The following TMBIM6 variants were observed in gnomAD, a reference collection of about 807,000 sequenced individuals.
TMBIM6 encodes the protein bax inhibitor 1.
Under a neutral mutation model 31.4 loss-of-function variants are expected in TMBIM6, and 13 were observed. The observed-to-expected ratio is 0.41, with a 90% confidence interval of 0.27 to 0.66. TMBIM6 has a LOEUF of 0.66. TMBIM6 is among the 30% of genes least tolerant of loss of function. TMBIM6 has a pLI of 0.28. For missense variants in TMBIM6, 275 were observed against 289.5 expected, an observed-to-expected ratio of 0.95 and a Z score of 0.36; for synonymous variants, 85 against 101.7, an observed-to-expected ratio of 0.84 and a Z score of 0.99.
At chr12:49,746,591 CTGAAGTACAG>C (rs1945398600) in intron 1 of TMBIM6, among the ~76,000 whole-genome samples, 1 of 152,112 alleles carries the variant, frequency 6.6e-6, no homozygotes, top group Non-Finnish European at 1.5e-5. Context: ...GTAGGTGAAA[CTGAAGTACAG>C]TGAGGTTAAG....
intron 1 of TMBIM6, among the ~76,000 whole-genome samples, chr12:49,743,234 T>G (rs141935563): frequency 1.3e-5 from 2 of 149,410 alleles, no homozygotes; most frequent in Middle Eastern, 3.4e-3. Flanking sequence ...TTATTTATTA[T>G]TATTATTATG....
chr12:49,742,411 G>T, intron 1 of TMBIM6: 1 of 1,245,420 alleles, frequency 8.0e-7, no homozygotes, highest in Non-Finnish European at 1.1e-6. Context: ...GTAGGCTTTG[G>T]TATCTTTGTA....
chr12:49,742,076 G>T, intron 1 of TMBIM6: 1 of 1,572,216 alleles, frequency 6.4e-7, no homozygotes, highest in African/African-American at 1.3e-5. Context: ...TCCTTTGGTC[G>T]GGCTGACCCT....
At chr12:49,760,568 G>A (rs188980893) in intron 8 of TMBIM6, among the ~76,000 whole-genome samples, 998 of 39,296 alleles carry the variant, frequency 0.025, 12 homozygotes, top group African/African-American at 0.072. Flanking sequence ...AGACAGTTTT[G>A]CTTTGTCACC....
chr12:49,755,835 TTC>T, intron 4 of TMBIM6, 80 bp downstream of exon 4: 11 of 1,488,960 alleles, frequency 7.4e-6, no homozygotes, highest in East Asian at 2.3e-5. Flanking sequence ...CCCTTTTTTT[TTC>T]TTTTTTTTTT....
chr12:49,758,359 T>TC (rs1196187421), intron 5 of TMBIM6, 24 bp from the exon 6 acceptor site: 1 of 1,613,886 alleles, frequency 6.2e-7, no homozygotes, highest in African/African-American at 1.3e-5. Flanking sequence ...TAGCCCTTAA[T>TC]CTAATGGTCT....
chr12:49,746,701 GT>G (rs1222258787), intron 1 of TMBIM6, among the ~76,000 whole-genome samples: 1 of 151,926 alleles, frequency 6.6e-6, no homozygotes, highest in Admixed American at 6.6e-5. Context: ...AGGGGACATG[GT>G]TATACAGTGT....
chr12:49,757,057 G>T (rs1022386984), intron 4 of TMBIM6, among the ~76,000 whole-genome samples: 1 of 151,812 alleles, frequency 6.6e-6, no homozygotes, highest in Non-Finnish European at 1.5e-5. Flanking sequence ...AGTAGAGACG[G>T]GGTTTCACCA....
intron 1 of TMBIM6, among the ~76,000 whole-genome samples, chr12:49,749,092 A>C (rs1418881029): frequency 6.6e-6 from 1 of 152,174 alleles, no homozygotes; most frequent in East Asian, 1.9e-4. Flanking sequence ...CGGCCATTGA[A>C]ATGTAGGTAT....
chr12:49,743,583 A>G (rs1945338830), intron 1 of TMBIM6: 1 of 152,204 alleles, frequency 6.6e-6, no homozygotes, highest in Non-Finnish European at 1.5e-5. Flanking sequence ...TAATCTAGAT[A>G]CTTAGCATTT....
At chr12:49,750,175 C>CG (rs1945469761) in intron 1 of TMBIM6, among the ~76,000 whole-genome samples, 1 of 152,088 alleles carries the variant, frequency 6.6e-6, no homozygotes, top group African/African-American at 2.4e-5. Context: ...CCCTGGGAAA[C>CG]GTCAGAGAAG....
rs1226765293 is a variant in TMBIM6 at position 49,762,875 on chromosome 12, T to C, written c.693T>C (p.Asp231=). ...LMMILAMNEK[D]KKKEKK is the part of the protein sequence containing the mutation. Reference sequence around the variant, plus strand: ...GGGTGATTTTTCTCCATTTCTAGGATAAGAAGAAAGAGAAGAAATGAAGTG... The same window carrying C: ...GGGTGATTTTTCTCCATTTCTAGGACAAGAAGAAAGAGAAGAAATGAAGTG... The change falls in exon 10 of 10, where the codon GAT becomes GAC. Residue 231 remains aspartate, a splice_region_variant and synonymous_variant. Coordinates refer to ENST00000267115, the MANE Select transcript of TMBIM6 (RefSeq NM_003217.3). The C allele has an allele frequency of 6.2e-7, 1 of 1,612,880 alleles. No individual in the cohort carries two copies. The highest frequency in any genetic ancestry group is 1.1e-5 in the South Asian group (1 of 91,042).
In TMBIM6 at chr12:49,755,776, A is replaced by G. The variant is rs202005152; in HGVS notation, c.286+21A>G. On this transcript the variant is annotated intron_variant, in intron 4 of 9. Transcript: ENST00000267115. ...TACAGGTACGTTAAGGGATTTGTCT[A>G]ATTTTGAGGGGTGAGCTATATTTTC... 2.3e-3 allele frequency: 3,662 copies of G among 1,608,682 alleles called. 35 individuals are homozygous for G. The highest frequency in any genetic ancestry group is 0.012 in the South Asian group (1,093 of 90,160).
chr12:49,762,693 C>T (rs939996544), intron 9 of TMBIM6, among the ~76,000 whole-genome samples, 180 bp from the exon 10 acceptor site: 3 of 152,158 alleles, frequency 2.0e-5, no homozygotes, highest in East Asian at 1.9e-4. Context: ...CTGTCGGCAA[C>T]TTTGGGAACC....
At chr12:49,758,585 T>A in intron 6 of TMBIM6, 98 bp from the exon 7 acceptor site, 1 of 1,552,816 alleles carries the variant, frequency 6.4e-7, no homozygotes. Flanking sequence ...TGAGTTGAGA[T>A]TAACCTTCAT....
At chr12:49,761,579 T>G in intron 8 of TMBIM6, 125 bp from the exon 9 acceptor site, 5 of 740,320 alleles carry the variant, frequency 6.8e-6, no homozygotes, top group Non-Finnish European at 1.1e-5. Context: ...ACTTCCTTAG[T>G]TGGGGGTAAA....
intron 1 of TMBIM6, among the ~76,000 whole-genome samples, chr12:49,750,021 T>C (rs1195304368): frequency 6.6e-6 from 1 of 152,240 alleles, no homozygotes; most frequent in Non-Finnish European, 1.5e-5. Context: ...TTTTTAATGA[T>C]TTCAAACCAC....
At chr12:49,757,127 A>G (rs1945617956) in intron 4 of TMBIM6, among the ~76,000 whole-genome samples, 1 of 152,162 alleles carries the variant, frequency 6.6e-6, no homozygotes, top group South Asian at 2.1e-4. Context: ...TCAGCCTCCC[A>G]AAGTGCTGGG....
At chr12:49,753,320 C>T (rs150584984) in intron 3 of TMBIM6, among the ~76,000 whole-genome samples, 3 of 152,334 alleles carry the variant, frequency 2.0e-5, no homozygotes, top group African/African-American at 7.2e-5. Context: ...GTGCTGCTGA[C>T]GTACAAGACC....
Sources: allele counts gnomAD v4.1 joint callset (sites outside exome capture counted in the v4.1 genomes callset), GRCh38; gene constraint gnomAD v4.1.1; transcripts MANE v1.5; gene names NCBI Gene and HGNC (gene_info 2026-07-23, HGNC 2026-07-21).